The following LYVE1 variants were observed in gnomAD, a reference collection of about 807,000 sequenced individuals.
LYVE1 encodes lymphatic vessel endothelial hyaluronan receptor 1.
Under a neutral mutation model 31.5 loss-of-function variants are expected in LYVE1, and 29 were observed. The observed-to-expected ratio is 0.92, with a 90% CI of 0.69 to 1.26. LYVE1 has a LOEUF of 1.26. LYVE1 is among the 50% of genes most tolerant of loss of function. The pLI is 0.00. For synonymous variants in LYVE1, 134 were observed against 139.4 expected (o/e 0.96, Z 0.27); for missense variants, 376 against 380.2 (o/e 0.99, Z 0.09).
At position 10,560,801 on chromosome 11, in the gene LYVE1, C is replaced by CT; in HGVS notation, c.398-2dup. On this transcript the variant is annotated splice_acceptor_variant, in intron 3 of 5. Coordinates refer to ENST00000256178, the MANE Select transcript of LYVE1 (RefSeq NM_006691.4). LOFTEE classifies it high-confidence loss of function. ...GGAATGCACGAGTTAGTCCAAGTAT[C>CT]TGTTGGGATAGGGAAACATGGAATA... The CT allele has an allele frequency of 6.2e-7, 1 of 1,605,040 alleles. No individual in the cohort carries two copies. The highest frequency in any genetic ancestry group is 8.5e-7 in the Non-Finnish European group (1 of 1,173,338).
At chr11:10,568,081 C>G (rs554341238) in intron 1 of LYVE1, among the ~76,000 whole-genome samples, 1 of 152,276 alleles carries the variant, frequency 6.6e-6, no homozygotes, top group Admixed American at 6.5e-5. Context: ...AGGACGATCA[C>G]TTGAAGCCAG....
At chr11:10,563,778 A>G (rs984909635) in intron 3 of LYVE1, among the ~76,000 whole-genome samples, 162 bp downstream of exon 3, 2 of 152,276 alleles carry the variant, frequency 1.3e-5, no homozygotes, top group Non-Finnish European at 2.9e-5. Flanking sequence ...TTTGAGGGGC[A>G]TATTGCCACC....
chr11:10,568,349 A>C (rs904293201), intron 1 of LYVE1, 99 bp downstream of exon 1: 4 of 1,232,386 alleles, frequency 3.2e-6, no homozygotes, highest in Admixed American at 4.4e-5. Flanking sequence ...TGCTGTTGAC[A>C]CTGAGGGTCA....
intron 5 of LYVE1, among the ~76,000 whole-genome samples, 157 bp from the exon 6 acceptor site, chr11:10,559,454 C>T (rs1850373002): frequency 6.6e-6 from 1 of 152,212 alleles, no homozygotes; most frequent in African/African-American, 2.4e-5. Flanking sequence ...ACATCACCAC[C>T]TTAATGGATT....
rs1008212437 is a variant in LYVE1, at chr11:10,560,936, A to G, written c.398-136T>C. On this transcript the variant is annotated intron_variant, in intron 3 of 5. Transcript: ENST00000256178. ...TTTAAAAAGCAAATCTAACCATATC[A>G]CTTTCTTCCTTAGAAGCCTTCAGTG... The G allele has an allele frequency of 7.2e-6, 5 of 692,146 alleles. No homozygotes were observed. In the African/African-American group the frequency reaches 9.0e-5, roughly 12 times the overall value. The allele number at this position is 692,146 out of a possible 1,614,324, so 42.9% of individuals were successfully genotyped here. A position where few individuals can be genotyped will look rare whatever the true frequency, so the allele number is the denominator to read the frequency against.
Position 10,560,796 on chromosome 11 carries a change from A to G in LYVE1, c.402T>C (p.Thr134=). Residue 134 remains threonine, a synonymous_variant, in exon 4 of 6, where the codon ACT becomes ACC. Coordinates refer to ENST00000256178, the MANE Select transcript of LYVE1 (RefSeq NM_006691.4). ...TTTCTGGAATGCACGAGTTAGTCCA[A>G]GTATCTGTTGGGATAGGGAAACATG... ...FAAYCYNSSD[T]WTNSCIPEII... is the part of the protein sequence containing the mutation. 1 of 1,608,244 alleles carries G rather than the reference A, an allele frequency of 6.2e-7. No homozygotes were observed. Among genetic ancestry groups the G allele is most frequent in the Non-Finnish European group, 8.5e-7 (1 of 1,175,482 alleles).
intron 3 of LYVE1, among the ~76,000 whole-genome samples, chr11:10,561,006 C>T (rs186588395): frequency 5.2e-4 from 79 of 152,342 alleles, no homozygotes; most frequent in Admixed American, 2.0e-3. Flanking sequence ...TGATTTGGCC[C>T]CTGCTAACAT....
chr11:10,562,400 A>G (rs1053398983), intron 3 of LYVE1, among the ~76,000 whole-genome samples: 2 of 152,222 alleles, frequency 1.3e-5, no homozygotes, highest in Non-Finnish European at 2.9e-5. Context: ...GAACTGGTCA[A>G]AGTTTCTCCA....
chr11:10,560,246 G>A (rs1850394405), intron 4 of LYVE1, among the ~76,000 whole-genome samples: 1 of 152,214 alleles, frequency 6.6e-6, no homozygotes, highest in Admixed American at 6.5e-5. Flanking sequence ...GGAACAGATA[G>A]TGATTTATTT....
intron 3 of LYVE1, among the ~76,000 whole-genome samples, chr11:10,563,535 G>A (rs759748587): frequency 4.6e-5 from 7 of 152,114 alleles, no homozygotes; most frequent in Non-Finnish European, 8.8e-5. Flanking sequence ...AGGGACTTGG[G>A]CATCTGTAGA....
rs72861055 is a variant in LYVE1, at chr11:10,560,693, A to G, written c.505T>C (p.Tyr169His). 20 of 1,613,912 alleles carry G rather than the reference A, an allele frequency of 1.2e-5. No individual in the cohort carries two copies. Among genetic ancestry groups the G allele is most frequent in the Admixed American group, 1.7e-5 (1 of 60,030 alleles). Reference protein sequence around the residue: ...TTEFIVSDSTYSVASPYSTIP... With the variant: ...TTEFIVSDSTHSVASPYSTIP... The stretch of plus-strand genomic sequence containing the variant: ...GTAGAGTAAGGGGATGCCACCGAGT[A>G]GGTACTGTCACTGACAATAAATTCT... The change falls in exon 4 of 6, where the codon TAC (tyrosine) becomes CAC (histidine). Residue 169 changes from tyrosine (Y) to histidine (H), a missense_variant. Physicochemically the swap from Tyr to His is moderately conservative, Grantham distance 83 (BLOSUM62 2). Transcript: ENST00000256178.
intron 4 of LYVE1, 90 bp downstream of exon 4, chr11:10,560,405 C>T (rs534148587): frequency 6.0e-5 from 67 of 1,116,412 alleles, no homozygotes; most frequent in Admixed American, 8.3e-5. Context: ...AGGTCCTGAG[C>T]GCCTCATCTA....
intron 3 of LYVE1, among the ~76,000 whole-genome samples, chr11:10,562,952 T>C (rs61177779): frequency 0.022 from 2,908 of 134,326 alleles, 79 homozygotes; most frequent in African/African-American, 0.078. Context: ...GTTTCTTTTT[T>C]TTTTTTTTTT....
Position 10,558,059 on chromosome 11 carries a change from G to C in LYVE1, c.*1052C>G, listed in dbSNP as rs1850347725. 1 of 152,138 alleles carries C rather than the reference G, an allele frequency of 6.6e-6. No individual in the cohort carries two copies. The highest frequency in any genetic ancestry group is 2.4e-5 in the African/African-American group (1 of 41,422). The allele number at this position is 152,138 out of a possible 1,614,324, so 9.4% of individuals were successfully genotyped here. On this transcript the variant is annotated 3_prime_UTR_variant, in exon 6 of 6. Coordinates refer to ENST00000256178, the MANE Select transcript of LYVE1 (RefSeq NM_006691.4). Reference sequence around the variant, plus strand: ...AGGTTATAATGGTTGCCATATTAGAGAAAATGAATAAGATTAGTCTCAGCA... The same window carrying C: ...AGGTTATAATGGTTGCCATATTAGACAAAATGAATAAGATTAGTCTCAGCA...
chr11:10,567,619 T>C (rs1850568122), intron 1 of LYVE1, among the ~76,000 whole-genome samples: 1 of 152,346 alleles, frequency 6.6e-6, no homozygotes, highest in South Asian at 2.1e-4. Flanking sequence ...ATTAAAGTGC[T>C]CAGATTTTCA....
At chr11:10,567,963 T>G (rs1850575416) in intron 1 of LYVE1, among the ~76,000 whole-genome samples, 2 of 152,180 alleles carry the variant, frequency 1.3e-5, no homozygotes, top group African/African-American at 4.8e-5. Flanking sequence ...TTGCTTTAAA[T>G]TTTTTACAAT....
rs754902565 is a variant in LYVE1, at chr11:10,564,007, C to T, written c.330G>A (p.Gly110=). 10 of 1,614,140 alleles carry T rather than the reference C, an allele frequency of 6.2e-6. No homozygotes were observed. The highest frequency in any genetic ancestry group is 2.2e-5 in the South Asian group (2 of 91,082). The change falls in exon 3 of 6, where the codon GGG becomes GGA. Residue 110 remains glycine, a synonymous_variant. Coordinates refer to ENST00000256178, the MANE Select transcript of LYVE1 (RefSeq NM_006691.4). ...ISPNPKCGKN[G]VGVLIWKVPV... is the part of the protein sequence containing the mutation. ...GAACCTTCCAAATCAGGACACCCAC[C>T]CCATTTTTCCCACACTTGGGGTTTG...
rs777581228 is a variant in LYVE1, at chr11:10,559,180, A to C, written c.900T>G (p.Thr300=). Residue 300 remains threonine (T), a synonymous_variant, in exon 6 of 6, where the codon ACT becomes ACG. Transcript: ENST00000256178. ...TCTTGGACTCTTCTGGGTTTTTATC[A>C]GTTTTCTTTGATTCCTCATTAGGGT... The part of the protein sequence containing the change: ...DSNPNEESKK[T]DKNPEESKSP... 2 of 1,614,044 alleles carry C rather than the reference A, an allele frequency of 1.2e-6. No individual in the cohort carries two copies. Among genetic ancestry groups the C allele is most frequent in the Non-Finnish European group, 1.7e-6 (2 of 1,179,982 alleles).
chr11:10,563,665 C>T (rs1441803716), intron 3 of LYVE1, among the ~76,000 whole-genome samples: 1 of 152,140 alleles, frequency 6.6e-6, no homozygotes, highest in Non-Finnish European at 1.5e-5. Flanking sequence ...TTCCCTTCTG[C>T]CTGCTTATCT....
Sources: gnomAD v4.1 joint callset for allele counts (sites outside exome capture counted in the v4.1 genomes callset) on GRCh38, gnomAD v4.1.1 for gene constraint, MANE v1.5 for transcripts, NCBI Gene and HGNC (gene_info 2026-07-23, HGNC 2026-07-21) for gene names.